ANKRD17: variants seen among roughly 807,000 people sequenced by gnomAD.
ANKRD17 encodes ankyrin repeat domain-containing protein 17.
ANKRD17 carries 19 observed loss-of-function variants against 229.7 expected under a neutral mutation model. The ratio of observed to expected loss-of-function variants is 0.08; its 90% CI spans 0.06 to 0.12. The LOEUF (loss-of-function observed/expected upper bound fraction) is 0.12. Among genes scored for constraint, ANKRD17 ranks in the 10% least tolerant of loss-of-function variants. The pLI, the probability that ANKRD17 is intolerant of heterozygous loss-of-function variation, is 1.00. For synonymous variants in ANKRD17, 1,112 were observed against 1,146.1 expected (o/e 0.97, Z 0.60); for missense variants, 2,176 against 3,176.8 (o/e 0.68, Z 7.57).
At chr4:73,204,017 A>G (rs1306385809) in intron 1 of ANKRD17, among the ~76,000 whole-genome samples, 2 of 152,114 alleles carry the variant, frequency 1.3e-5, no homozygotes, top group African/African-American at 2.4e-5. Flanking sequence ...CTTATTCAAA[A>G]GAAGGAAAAC....
chr4:73,234,697 C>T (rs1743348736), intron 1 of ANKRD17, among the ~76,000 whole-genome samples: 1 of 152,186 alleles, frequency 6.6e-6, no homozygotes. Flanking sequence ...AGCACAGTGC[C>T]TCCACTTCTC....
At chr4:73,223,358 T>C (rs1742110973) in intron 1 of ANKRD17, among the ~76,000 whole-genome samples, 1 of 152,250 alleles carries the variant, frequency 6.6e-6, no homozygotes, top group East Asian at 1.9e-4. Flanking sequence ...TTAACACGTC[T>C]GGCTTCCTGG....
chr4:73,135,151 A>C lies in ANKRD17; in HGVS notation c.3200T>G (p.Leu1067Arg). The C allele has an allele frequency of 1.2e-6, 2 of 1,613,842 alleles. No homozygotes were observed. Among genetic ancestry groups the C allele is most frequent in the Non-Finnish European group, 1.7e-6 (2 of 1,179,806 alleles). The change falls in exon 16 of 34, where the codon CTT becomes CGT. Residue 1067 changes from leucine (L) to arginine (R), a missense_variant. By Grantham distance (102) the Leu-to-Arg change is moderately radical. Coordinates refer to ENST00000358602, the MANE Select transcript of ANKRD17 (RefSeq NM_032217.5). Reference sequence around the variant, plus strand: ...AATATCAATGGCAGGGTAGATAGGAAGCATGGCTGAAGGAGAGATGATAGG... The same window carrying C: ...AATATCAATGGCAGGGTAGATAGGACGCATGGCTGAAGGAGAGATGATAGG... ...PSPIISPSAMLPIYPAIDIDA... is the reference protein window; with the variant it reads ...PSPIISPSAMRPIYPAIDIDA...
At position 73,221,560 on chromosome 4, in the gene ANKRD17, C is replaced by T. The variant is rs182257301; in HGVS notation, c.393+36716G>A. On this transcript the variant is annotated intron_variant, in intron 1 of 33. Transcript: ENST00000358602. ...AGCAAATTAAAATGTAACACTAGAA[C>T]TCTGTAATCTAATTAGGCTTATTTA... is the stretch of plus-strand genomic sequence containing the variant. 2.1e-3 allele frequency among the ~76,000 whole-genome samples: 324 copies of T among 152,236 alleles called. 1 individual carries two copies. The highest frequency in any genetic ancestry group is 7.6e-3 in the African/African-American group (316 of 41,560).
intron 1 of ANKRD17, among the ~76,000 whole-genome samples, chr4:73,250,910 A>G (rs1744963954): frequency 1.3e-5 from 2 of 152,086 alleles, no homozygotes; most frequent in South Asian, 4.2e-4. Flanking sequence ...TTTCAAATGT[A>G]AAATCTTTAC....
At chr4:73,192,707 T>G (rs929634516) in intron 1 of ANKRD17, among the ~76,000 whole-genome samples, 3 of 152,144 alleles carry the variant, frequency 2.0e-5, no homozygotes, top group Non-Finnish European at 2.9e-5. Flanking sequence ...CATAACAATT[T>G]GTATTGTCTT....
chr4:73,142,753 T>C lies in ANKRD17; in HGVS notation c.1972A>G (p.Arg658Gly). The change falls in exon 12 of 34, where the codon AGA (arginine) becomes GGA (glycine). Residue 658 changes from arginine (R) to glycine (G), a missense_variant. Arg to Gly is a moderately radical substitution (Grantham distance 125). Transcript: ENST00000358602. ...GTATGGTCATTATTAGCTGTGGTTC[T>C]ATTCACATTCGCTCCTAAAACAGAA... ...FLISKGANVNRTTANNDHTVL... is the reference protein window; with the variant it reads ...FLISKGANVNGTTANNDHTVL... The C allele has an allele frequency of 6.2e-7, 1 of 1,611,152 alleles. No individual in the cohort carries two copies. Among genetic ancestry groups the C allele is most frequent in the South Asian group, 1.1e-5 (1 of 90,448 alleles).
At chr4:73,171,175 G>A (rs906048898) in intron 2 of ANKRD17, among the ~76,000 whole-genome samples, 2 of 121,960 alleles carry the variant, frequency 1.6e-5, no homozygotes, top group South Asian at 2.9e-4. Flanking sequence ...TGGCTCAGAG[G>A]GGGGAGAGAG....
intron 1 of ANKRD17, among the ~76,000 whole-genome samples, chr4:73,222,140 A>AG (rs1490160365): frequency 1.3e-5 from 2 of 152,120 alleles, no homozygotes; most frequent in South Asian, 2.1e-4. Flanking sequence ...TTATCTAATG[A>AG]GGAAAAAAAA....
Position 73,098,227 on chromosome 4 carries a change from T to C in ANKRD17, c.4867A>G (p.Ser1623Gly). The part of the protein sequence containing the change: ...DSDNMRISSC[S>G]DESSNSNSSR... ...CTGTTGCTGTTACTACTTTCATCGC[T>C]GCAGCTGGAAATCCTCATGTTATCA... Residue 1623 changes from serine to glycine, a missense_variant, in exon 26 of 34, where the codon AGC (serine) becomes GGC (glycine). Ser to Gly is a moderately conservative substitution (Grantham distance 56). Coordinates refer to ENST00000358602, the MANE Select transcript of ANKRD17 (RefSeq NM_032217.5). 6 of 1,614,240 alleles carry C rather than the reference T, an allele frequency of 3.7e-6. No individual in the cohort carries two copies. The highest frequency in any genetic ancestry group is 5.1e-6 in the Non-Finnish European group (6 of 1,180,038).
intron 1 of ANKRD17, among the ~76,000 whole-genome samples, chr4:73,224,414 T>C (rs1742243157): frequency 6.6e-6 from 1 of 152,156 alleles, no homozygotes; most frequent in Admixed American, 6.5e-5. Context: ...TTCATTCAAC[T>C]TGAAATATCA....
chr4:73,175,096 T>C (rs1489394120), intron 2 of ANKRD17, among the ~76,000 whole-genome samples: 1 of 152,188 alleles, frequency 6.6e-6, no homozygotes, highest in Non-Finnish European at 1.5e-5. Flanking sequence ...GTTTTCACAT[T>C]GCTATAAATA....
At chr4:73,250,094 C>T (rs757899118) in intron 1 of ANKRD17, among the ~76,000 whole-genome samples, 26 of 152,202 alleles carry the variant, frequency 1.7e-4, no homozygotes, top group Non-Finnish European at 3.7e-4. Flanking sequence ...CTGGTTATCG[C>T]CAACGCCTTA....
intron 1 of ANKRD17, among the ~76,000 whole-genome samples, chr4:73,228,990 G>A (rs1035970986): frequency 3.9e-5 from 6 of 152,138 alleles, no homozygotes; most frequent in East Asian, 3.8e-4. Context: ...GTAGGGACAC[G>A]GATGAAGCTG....
In ANKRD17 at chr4:73,091,957, C is replaced by G; in HGVS notation, c.5671G>C (p.Ala1891Pro). 1 of 1,614,146 alleles carries G rather than the reference C, an allele frequency of 6.2e-7. No homozygotes were observed. Among genetic ancestry groups the G allele is most frequent in the Non-Finnish European group, 8.5e-7 (1 of 1,180,034 alleles). ...LPLAYPPPQF[A>P]HALLAAQTFQ... ...GTCTGAGCAGCAAGCAAAGCATGTG[C>G]AAACTGTGGAGGAGGATATGCTAAT... is the stretch of plus-strand genomic sequence containing the variant. The change falls in exon 29 of 34, where the codon GCA becomes CCA. Residue 1891 changes from alanine to proline, a missense_variant. Transcript: ENST00000358602.
intron 28 of ANKRD17, 29 bp from the exon 29 acceptor site, chr4:73,092,329 G>C: frequency 6.5e-7 from 1 of 1,549,982 alleles, no homozygotes; most frequent in Non-Finnish European, 8.7e-7. Context: ...AAATTAGGTA[G>C]AATTTTCCCT....
intron 24 of ANKRD17, among the ~76,000 whole-genome samples, chr4:73,107,662 G>C (rs183360723): frequency 6.6e-6 from 1 of 152,254 alleles, no homozygotes; most frequent in Non-Finnish European, 1.5e-5. Context: ...CAGCCAAAGA[G>C]AAAAGCCAGT....
intron 25 of ANKRD17, chr4:73,098,839 G>C: frequency 6.5e-7 from 1 of 1,528,796 alleles, no homozygotes; most frequent in South Asian, 1.1e-5. Context: ...AGTCGAGCTT[G>C]AAGTCCAGCC....
At position 73,098,111 on chromosome 4, in the gene ANKRD17, C is replaced by T. The variant is rs780374354; in HGVS notation, c.4983G>A (p.Lys1661=). 3 of 1,606,624 alleles carry T rather than the reference C, an allele frequency of 1.9e-6. No individual in the cohort carries two copies. The highest frequency in any genetic ancestry group is 1.7e-6 in the Non-Finnish European group (2 of 1,175,496). Reference sequence around the variant, plus strand: ...TGCCAGAAACAGATTTTCTCTCTTCCTTTGGAAATGTAACAAGAACTGATG... The same window carrying T: ...TGCCAGAAACAGATTTTCTCTCTTCTTTTGGAAATGTAACAAGAACTGATG... ...KQPSVLVTFP[K]EERKSVSGKA... is the part of the protein sequence containing the mutation. The change falls in exon 26 of 34, where the codon AAG becomes AAA. Residue 1661 remains lysine, a synonymous_variant. Coordinates refer to ENST00000358602, the MANE Select transcript of ANKRD17 (RefSeq NM_032217.5).
Sources: gnomAD v4.1 joint callset for allele counts (sites outside exome capture counted in the v4.1 genomes callset) on GRCh38, gnomAD v4.1.1 for gene constraint, MANE v1.5 for transcripts, NCBI Gene and HGNC (gene_info 2026-07-23, HGNC 2026-07-21) for gene names.